The following COBL variants were observed in gnomAD, a reference collection of about 807,000 sequenced individuals.
COBL encodes the protein cordon-bleu WH2 repeat protein.
A neutral mutation model predicts 98.8 loss-of-function variants in COBL; 51 were observed. The observed-to-expected ratio is 0.52, with a 90% CI of 0.41 to 0.65. COBL has a LOEUF of 0.65. Among genes scored for constraint, COBL ranks in the 30% least tolerant of loss-of-function variants. The pLI, the probability that COBL is intolerant of heterozygous loss-of-function variation, is 0.00. For missense variants in COBL, 1,617 were observed against 1,617.5 expected (o/e 1.00, Z 0.01); for synonymous variants, 634 against 651.7 (o/e 0.97, Z 0.41).
At chr7:51,073,777 T>C (rs1254820735) in intron 7 of COBL, among the ~76,000 whole-genome samples, 3 of 152,208 alleles carry the variant, frequency 2.0e-5, no homozygotes, top group East Asian at 1.9e-4. Context: ...AAGTTACTTG[T>C]AGAACTCCAG....
chr7:51,220,881 GT>G (rs1165403990), intron 1 of COBL, among the ~76,000 whole-genome samples: 1 of 152,060 alleles, frequency 6.6e-6, no homozygotes, highest in Non-Finnish European at 1.5e-5. Flanking sequence ...AACTGGCCTT[GT>G]TTTATACAGG....
At chr7:51,176,699 C>T (rs1788412664) in intron 5 of COBL, among the ~76,000 whole-genome samples, 1 of 152,166 alleles carries the variant, frequency 6.6e-6, no homozygotes, top group Non-Finnish European at 1.5e-5. Context: ...TTAACTTGTT[C>T]CATTTACAAA....
intron 6 of COBL, among the ~76,000 whole-genome samples, chr7:51,095,053 C>T (rs1795150603): frequency 6.6e-6 from 1 of 152,144 alleles, no homozygotes; most frequent in Admixed American, 6.5e-5. Context: ...AGTCTGTTCT[C>T]ATGCTGCTAA....
At chr7:51,154,143 TGA>T (rs1188141174) in intron 5 of COBL, among the ~76,000 whole-genome samples, 2 of 152,196 alleles carry the variant, frequency 1.3e-5, no homozygotes, top group African/African-American at 2.4e-5. Flanking sequence ...ATTTCCTTTA[TGA>T]GAGCAGCTTA....
intron 7 of COBL, among the ~76,000 whole-genome samples, chr7:51,055,013 G>C (rs1179003733): frequency 6.6e-6 from 1 of 152,236 alleles, no homozygotes; most frequent in Non-Finnish European, 1.5e-5. Context: ...GGAGCCAGGA[G>C]ACAGGGGGTG....
rs1010290234 is a variant in COBL at position 51,248,273 on chromosome 7, T to C, written c.42-28329A>G. Reference sequence around the variant, plus strand: ...CATAAAACTTACATATAAAATAATATTGCTCTATCTCGTTGATTTAGAATA... The same window carrying C: ...CATAAAACTTACATATAAAATAATACTGCTCTATCTCGTTGATTTAGAATA... On this transcript the variant is annotated intron_variant, in intron 1 of 12. Coordinates refer to ENST00000265136, the MANE Select transcript of COBL (RefSeq NM_015198.5). Among the ~76,000 whole-genome samples, 3 of 152,312 alleles carry C rather than the reference T, an allele frequency of 2.0e-5. No individual in the cohort carries two copies. In the East Asian group the frequency reaches 5.8e-4, roughly 29 times the overall value.
chr7:51,250,058 C>T (rs754119797), intron 1 of COBL, among the ~76,000 whole-genome samples: 2 of 151,736 alleles, frequency 1.3e-5, no homozygotes, highest in African/African-American at 2.4e-5. Context: ...GCCAAGATCG[C>T]ACCACTGCAC....
rs1562923478 is a variant in COBL at position 51,108,958 on chromosome 7, C to CACACACACACACACACACA, written c.958-23655_958-23654insTGTGTGTGTGTGTGTGTGT. ...CACACACACACACACACACACACACCCCCTGCCCCATGAAGTTTACTGAAA... is the reference window on the plus strand; with the variant it reads ...CACACACACACACACACACACACACCACACACACACACACACACACCCTGCCCCATGAAGTTTACTGAAA... On this transcript the variant is annotated intron_variant, in intron 6 of 12. Transcript: ENST00000265136. Among the ~76,000 whole-genome samples the CACACACACACACACACACA allele has an allele frequency of 5.8e-3, 489 of 84,006 alleles. 3 individuals carry two copies. The highest frequency in any genetic ancestry group is 0.011 in the Admixed American group (74 of 6,874). 55.1% of individuals were successfully genotyped at this position (84,006 alleles called of 152,430 possible). A position where few individuals can be genotyped will look rare whatever the true frequency, so the allele number is the denominator to read the frequency against.
chr7:51,062,050 T>G (rs975323125), intron 7 of COBL, among the ~76,000 whole-genome samples: 1 of 152,126 alleles, frequency 6.6e-6, no homozygotes, highest in African/African-American at 2.4e-5. Flanking sequence ...GGAATAAATA[T>G]TCCATTAGGG....
intron 1 of COBL, among the ~76,000 whole-genome samples, chr7:51,232,527 C>T (rs1377795448): frequency 6.6e-6 from 1 of 152,084 alleles, no homozygotes; most frequent in Non-Finnish European, 1.5e-5. Context: ...AAATAACAAT[C>T]AGGGCCAGGC....
chr7:51,198,513 A>G (rs1010561461), intron 2 of COBL, among the ~76,000 whole-genome samples: 24 of 152,132 alleles, frequency 1.6e-4, no homozygotes, highest in African/African-American at 5.6e-4. Flanking sequence ...GAAGTGTCTT[A>G]TTGGGATTCT....
rs557881375 is a variant in COBL, at chr7:51,028,200, T to C, written c.2896A>G (p.Arg966Gly). The C allele has an allele frequency of 1.2e-6, 2 of 1,614,242 alleles. No individual in the cohort carries two copies. Among genetic ancestry groups the C allele is most frequent in the South Asian group, 2.2e-5 (2 of 91,088 alleles). ...GPHRKLSTQD[R>G]PAAIHRSSCF... is the part of the protein sequence containing the mutation. ...GAGCTTCTGTGGATAGCAGCAGGTCTGTCCTGAGTAGACAACTTCCTGTGT... is the reference window on the plus strand; with the variant it reads ...GAGCTTCTGTGGATAGCAGCAGGTCCGTCCTGAGTAGACAACTTCCTGTGT... The change falls in exon 10 of 13, where the codon AGA becomes GGA. Residue 966 changes from arginine (R) to glycine (G), a missense_variant. By Grantham distance (125) the Arg-to-Gly change is moderately radical. Transcript: ENST00000265136.
chr7:51,106,028 A>G lies in COBL; in HGVS notation c.958-20724T>C, dbSNP rs1796230597. ...GCCAACATGGTGAAACCCTGTCTCT[A>G]CTAAAAATACAAAAAAAAAAAAAAA... On this transcript the variant is annotated intron_variant, in intron 6 of 12. Coordinates refer to ENST00000265136, the MANE Select transcript of COBL (RefSeq NM_015198.5). Among the ~76,000 whole-genome samples, 8 of 132,246 alleles carry G rather than the reference A, an allele frequency of 6.0e-5. No individual in the cohort carries two copies. The Admixed American group carries it at 6.2e-4, about 10-fold the overall frequency. The allele number at this position is 132,246 out of a possible 152,430, so 86.8% of individuals were successfully genotyped here. A position where few individuals can be genotyped will look rare whatever the true frequency, so the allele number is the denominator to read the frequency against.
At chr7:51,102,290 A>G (rs1183918476) in intron 6 of COBL, among the ~76,000 whole-genome samples, 1 of 152,080 alleles carries the variant, frequency 6.6e-6, no homozygotes, top group African/African-American at 2.4e-5. Flanking sequence ...ACAGTGACGG[A>G]TTTCTGGGTC....
At chr7:51,203,027 C>A (rs940806369) in intron 2 of COBL, among the ~76,000 whole-genome samples, 5 of 151,428 alleles carry the variant, frequency 3.3e-5, no homozygotes, top group Non-Finnish European at 7.4e-5. Flanking sequence ...GGTGACAGAG[C>A]GAGACTCTGT....
At chr7:51,233,139 T>TC (rs1653011291) in intron 1 of COBL, among the ~76,000 whole-genome samples, 1 of 152,194 alleles carries the variant, frequency 6.6e-6, no homozygotes, top group African/African-American at 2.4e-5. Context: ...AATGGCTTCA[T>TC]CATGTATTTG....
At chr7:51,069,502 C>T (rs1210262983) in intron 7 of COBL, among the ~76,000 whole-genome samples, 10 of 152,260 alleles carry the variant, frequency 6.6e-5, no homozygotes, top group Non-Finnish European at 1.3e-4. Flanking sequence ...GGAGCACCTG[C>T]TGCCAAGCTA....
chr7:51,224,822 C>T (rs1794024251), intron 1 of COBL, among the ~76,000 whole-genome samples: 1 of 152,248 alleles, frequency 6.6e-6, no homozygotes, highest in African/African-American at 2.4e-5. Flanking sequence ...CCAAATTTGC[C>T]ACCATACCCG....
At chr7:51,196,647 T>C (rs1413858054) in intron 2 of COBL, among the ~76,000 whole-genome samples, 6 of 152,086 alleles carry the variant, frequency 3.9e-5, no homozygotes, top group Non-Finnish European at 8.8e-5. Context: ...GCTCCTGGGC[T>C]TTTTCTTTTC....
Sources: gnomAD v4.1 joint callset for allele counts (sites outside exome capture counted in the v4.1 genomes callset) on GRCh38, gnomAD v4.1.1 for gene constraint, MANE v1.5 for transcripts, NCBI Gene and HGNC (gene_info 2026-07-23, HGNC 2026-07-21) for gene names.